The following GNG7 variants were observed in gnomAD, a reference collection of about 807,000 sequenced individuals.
GNG7 encodes G protein subunit gamma 7, also known as guanine nucleotide-binding protein G(I)/G(S)/G(O) subunit gamma-7.
Under a neutral mutation model 4.0 loss-of-function variants are expected in GNG7, and 1 was observed. That is an observed-to-expected ratio of 0.25 (90% CI 0.09 to 1.18). The LOEUF is 1.18. Ranked by LOEUF, GNG7 falls within the 50% of genes most tolerant of loss-of-function variation. The probability of loss-of-function intolerance (pLI) is 0.50; values close to 1 mark genes in which losing one functional copy is unlikely to be tolerated. For synonymous variants in GNG7, 34 were observed against 36.9 expected (o/e 0.92, Z 0.29); for missense variants, 86 against 91.9 (o/e 0.94, Z 0.26).
chr19:2,568,656 TATACAC>T (rs201543832), intron 2 of GNG7, among the ~76,000 whole-genome samples: 108 of 149,050 alleles, frequency 7.2e-4, no homozygotes, highest in South Asian at 1.3e-3. Flanking sequence ...CAAATACACA[TATACAC>T]ATACACATAC....
intron 1 of GNG7, among the ~76,000 whole-genome samples, chr19:2,694,791 T>C (rs1032902099): frequency 6.0e-5 from 9 of 151,198 alleles, no homozygotes; most frequent in Admixed American, 1.3e-4. Context: ...TGAGGGACAC[T>C]GGGCTATGTC....
intron 3 of GNG7, among the ~76,000 whole-genome samples, chr19:2,525,970 A>AGTTTTTTT (rs1568231777): frequency 3.7e-5 from 1 of 26,782 alleles, no homozygotes; most frequent in Non-Finnish European, 6.0e-5. Context: ...CCTCCACGCC[A>AGTTTTTTT]ATTTTTTTTT....
At chr19:2,564,030 G>A (rs1185611034) in intron 2 of GNG7, among the ~76,000 whole-genome samples, 1 of 152,164 alleles carries the variant, frequency 6.6e-6, no homozygotes, top group Admixed American at 6.6e-5. Flanking sequence ...GTTAGCCAAT[G>A]AGAATGGTGT....
intron 1 of GNG7, among the ~76,000 whole-genome samples, chr19:2,693,907 C>G (rs139131439): frequency 1.3e-5 from 2 of 152,118 alleles, no homozygotes; most frequent in Non-Finnish European, 2.9e-5. Flanking sequence ...CTCTTGGAGG[C>G]TCTCAGAGGT....
At chr19:2,689,904 C>T (rs1206776765) in intron 1 of GNG7, among the ~76,000 whole-genome samples, 1 of 152,054 alleles carries the variant, frequency 6.6e-6, no homozygotes, top group East Asian at 1.9e-4. Flanking sequence ...TCTACGGCAA[C>T]GACTTAACTA....
intron 1 of GNG7, among the ~76,000 whole-genome samples, chr19:2,683,319 T>C (rs1983789908): frequency 6.6e-6 from 1 of 151,486 alleles, no homozygotes; most frequent in Non-Finnish European, 1.5e-5. Context: ...CTCGAACTCC[T>C]GACCTCAGGT....
chr19:2,637,032 C>G (rs1223925861), intron 2 of GNG7, among the ~76,000 whole-genome samples: 2 of 151,950 alleles, frequency 1.3e-5, no homozygotes, highest in Non-Finnish European at 2.9e-5. Context: ...TTGTCCTCAC[C>G]TGCACCCACC....
chr19:2,522,847 C>T (rs1254231613), intron 3 of GNG7, among the ~76,000 whole-genome samples: 1 of 145,380 alleles, frequency 6.9e-6, no homozygotes, highest in Non-Finnish European at 1.5e-5. Flanking sequence ...GTGTAGCATG[C>T]TTCTGTTTGT....
At chr19:2,584,982 T>G (rs570400460) in intron 2 of GNG7, among the ~76,000 whole-genome samples, 5,360 of 18,076 alleles carry the variant, frequency 0.3, 309 homozygotes, top group African/African-American at 0.33. Flanking sequence ...GAGGGAGGGA[T>G]GGAGGGAGGG....
chr19:2,637,845 AC>A (rs953990500), intron 2 of GNG7, among the ~76,000 whole-genome samples: 1 of 151,724 alleles, frequency 6.6e-6, no homozygotes. Context: ...CCTGGTTGAG[AC>A]CCCCCGGGTT....
intron 2 of GNG7, among the ~76,000 whole-genome samples, chr19:2,559,794 G>GAGCCA (rs1238798811): frequency 6.6e-6 from 1 of 152,224 alleles, no homozygotes; most frequent in East Asian, 1.9e-4. Context: ...TTACAGGCGT[G>GAGCCA]AGCCACCGTG....
intron 1 of GNG7, among the ~76,000 whole-genome samples, chr19:2,657,359 AAAATATATATATATATATATAT>A (rs1278003666): frequency 0.011 from 143 of 13,492 alleles, 9 homozygotes; most frequent in African/African-American, 0.028. Context: ...AAAAAAAAAA[AAAATATATATATATATATATAT>A]ATATATATAT....
Position 2,569,314 on chromosome 19 carries a change from C to T in GNG7, c.-77-14126G>A, listed in dbSNP as rs369343920. ...TTTGTGAGACAGAGTCTCGCTCTGT[C>T]GCCCAGGCTGGAGTGCAGTGGCGCG... On this transcript the variant is annotated intron_variant, in intron 2 of 4. Transcript: ENST00000382159. 1.7e-3 allele frequency among the ~76,000 whole-genome samples: 260 copies of T among 152,180 alleles called. 2 individuals are homozygous for T. The East Asian group carries it at 0.037, about 22-fold the overall frequency.
Position 2,557,374 on chromosome 19 carries a change from C to A in GNG7, c.-77-2186G>T, listed in dbSNP as rs548724069. ...ACACACAGACACACACACACGTGCA[C>A]GCACACATGCACGCAGGAGCGAGCG... On this transcript the variant is annotated intron_variant, in intron 2 of 4. Coordinates refer to ENST00000382159, the MANE Select transcript of GNG7 (RefSeq NM_052847.3). The surrounding 1 kb of genome is among the most constrained non-coding windows in gnomAD (Gnocchi z 5.1). Among the ~76,000 whole-genome samples, 4 of 152,290 alleles carry A rather than the reference C, an allele frequency of 2.6e-5. No homozygotes were observed. The South Asian group carries it at 8.3e-4, about 32-fold the overall frequency.
chr19:2,550,498 G>A (rs1041345612), intron 3 of GNG7, among the ~76,000 whole-genome samples: 2 of 152,158 alleles, frequency 1.3e-5, no homozygotes, highest in Non-Finnish European at 2.9e-5. Flanking sequence ...AAAGTGCTGC[G>A]ATTACAGGCA....
intron 1 of GNG7, among the ~76,000 whole-genome samples, chr19:2,665,690 A>T (rs1361015574): frequency 1.3e-5 from 2 of 152,058 alleles, no homozygotes; most frequent in African/African-American, 4.8e-5. Context: ...GCTGTGCCTC[A>T]GTTTCCCACT....
At chr19:2,521,612 G>GTTTTTTTTTTT (rs71178284) in intron 3 of GNG7, among the ~76,000 whole-genome samples, 5 of 104,702 alleles carry the variant, frequency 4.8e-5, no homozygotes, top group Admixed American at 2.2e-4. Context: ...CCCCCTCCGT[G>GTTTTTTTTTTT]TTTTTTTTTT....
intron 3 of GNG7, chr19:2,538,777 CT>C (rs771010706): frequency 5.4e-4 from 205 of 376,996 alleles, no homozygotes; most frequent in East Asian, 1.2e-3. Flanking sequence ...TCTTTTTTTT[CT>C]TTTTTTTTGA....
intron 3 of GNG7, among the ~76,000 whole-genome samples, chr19:2,541,998 C>A (rs1978976226): frequency 6.6e-6 from 1 of 151,832 alleles, no homozygotes; most frequent in Non-Finnish European, 1.5e-5. Context: ...CCCAGTGCTG[C>A]TGGGCCTCCT....
Sources: allele counts gnomAD v4.1 joint callset (sites outside exome capture counted in the v4.1 genomes callset), GRCh38; gene constraint gnomAD v4.1.1; non-coding constraint Gnocchi (gnomAD v3.1); transcripts MANE v1.5; gene names NCBI Gene and HGNC (gene_info 2026-07-23, HGNC 2026-07-21).